The following PLCE1 variants were observed in gnomAD, a reference collection of about 807,000 sequenced individuals.
PLCE1 encodes phospholipase C epsilon 1.
A neutral mutation model predicts 242.8 loss-of-function variants in PLCE1; 119 were observed. The observed-to-expected ratio is 0.49, with a 90% CI of 0.42 to 0.57. PLCE1 has a LOEUF of 0.57. PLCE1 is among the 20% of genes least tolerant of loss of function. PLCE1 has a pLI of 0.00. For synonymous variants in PLCE1, 945 were observed against 1,017.4 expected (o/e 0.93, Z 1.35); for missense variants, 2,441 against 2,788.8 (o/e 0.88, Z 2.81).
At chr10:94,325,895 T>TA (rs1475850011) in intron 32 of PLCE1, among the ~76,000 whole-genome samples, 23 of 152,006 alleles carry the variant, frequency 1.5e-4, no homozygotes, top group Admixed American at 9.8e-4. Flanking sequence ...CTGCCTCAAT[T>TA]AAAAAAATAA....
intron 2 of PLCE1, among the ~76,000 whole-genome samples, chr10:94,049,328 CTTTGAT>C (rs1174655964): frequency 7.9e-5 from 12 of 152,066 alleles, no homozygotes; most frequent in Non-Finnish European, 1.6e-4. Context: ...CCATTTAAAT[CTTTGAT>C]TTTGTATATG....
intron 3 of PLCE1, among the ~76,000 whole-genome samples, chr10:94,137,210 C>T (rs965130384): frequency 6.6e-6 from 1 of 152,098 alleles, no homozygotes; most frequent in African/African-American, 2.4e-5. Context: ...AAGATCCTTC[C>T]ACTTCCTGTC....
chr10:94,211,851 A>T (rs1210422693), intron 4 of PLCE1, among the ~76,000 whole-genome samples: 1 of 152,180 alleles, frequency 6.6e-6, no homozygotes, highest in Non-Finnish European at 1.5e-5. Context: ...TAGAGGACCT[A>T]CTGAACTACT....
chr10:94,107,705 AT>A (rs200924481), intron 2 of PLCE1: 3,544 of 152,134 alleles, frequency 0.023, 61 homozygotes, highest in Non-Finnish European at 0.036. Flanking sequence ...GTCTTTAGAC[AT>A]TCACATTGAG....
At chr10:94,049,968 C>T (rs1273974847) in intron 2 of PLCE1, among the ~76,000 whole-genome samples, 1 of 152,186 alleles carries the variant, frequency 6.6e-6, no homozygotes, top group African/African-American at 2.4e-5. Context: ...ATTGCTATTT[C>T]CCATTTCATT....
intron 2 of PLCE1, among the ~76,000 whole-genome samples, chr10:94,110,344 G>A (rs2045916794): frequency 6.6e-6 from 1 of 152,068 alleles, no homozygotes; most frequent in Non-Finnish European, 1.5e-5. Flanking sequence ...TTACAGCTGT[G>A]AGCCACCGTG....
intron 2 of PLCE1, among the ~76,000 whole-genome samples, chr10:94,128,500 AT>A (rs2046500860): frequency 1.3e-5 from 2 of 152,338 alleles, no homozygotes; most frequent in South Asian, 4.1e-4. Flanking sequence ...TCAGAGCTTC[AT>A]TCACAGAGCA....
At chr10:94,038,254 G>C in intron 2 of PLCE1, among the ~76,000 whole-genome samples, 1 of 152,176 alleles carries the variant, frequency 6.6e-6, no homozygotes, top group Admixed American at 6.5e-5. Context: ...AGCATCAGTG[G>C]GGGGAGGTGC....
chr10:94,219,989 A>G (rs1265937818), intron 4 of PLCE1, among the ~76,000 whole-genome samples: 2 of 151,962 alleles, frequency 1.3e-5, no homozygotes, highest in African/African-American at 4.8e-5. Flanking sequence ...TCATCAGTGG[A>G]ACCATGCCAA....
chr10:94,235,770 T>A, intron 6 of PLCE1, 145 bp from the exon 7 acceptor site: 1 of 1,460,318 alleles, frequency 6.8e-7, no homozygotes, highest in Non-Finnish European at 9.0e-7. Flanking sequence ...AATGAAAAAA[T>A]GTTTTTCCTG....
intron 32 of PLCE1, chr10:94,325,400 A>T: frequency 6.4e-6 from 2 of 314,874 alleles, no homozygotes; most frequent in South Asian, 3.0e-5. Context: ...GTTCAAGACC[A>T]GCCTGACCAA....
intron 3 of PLCE1, among the ~76,000 whole-genome samples, chr10:94,136,935 G>A (rs2046796123): frequency 6.6e-6 from 1 of 152,214 alleles, no homozygotes; most frequent in African/African-American, 2.4e-5. Context: ...GCTCACGCCT[G>A]TAATCCCAGC....
In PLCE1 at chr10:94,031,235, A is replaced by G; in HGVS notation, c.189A>G (p.Glu63=). Residue 63 remains glutamate (E), a synonymous_variant, in exon 2 of 33, where the codon GAA becomes GAG. Coordinates refer to ENST00000371380, the MANE Select transcript of PLCE1 (RefSeq NM_016341.4). Reference sequence around the variant, plus strand: ...CACAACTGAACAAACTTAAAGAAGAACCTTCTGGAAGCAACTTGCCAAAGA... The same window carrying G: ...CACAACTGAACAAACTTAAAGAAGAGCCTTCTGGAAGCAACTTGCCAAAGA... ...TISQLNKLKE[E]PSGSNLPKIL... 1 of 1,613,856 alleles carries G rather than the reference A, an allele frequency of 6.2e-7. No homozygotes were observed. The highest frequency in any genetic ancestry group is 8.5e-7 in the Non-Finnish European group (1 of 1,179,858).
At chr10:94,017,289 C>T (rs1385035009) in intron 1 of PLCE1, among the ~76,000 whole-genome samples, 2 of 152,166 alleles carry the variant, frequency 1.3e-5, no homozygotes, top group Non-Finnish European at 2.9e-5. Context: ...CTTTAAAAAA[C>T]AAAAACTAAC....
chr10:94,012,557 C>T (rs546387567), intron 1 of PLCE1, among the ~76,000 whole-genome samples: 1 of 152,204 alleles, frequency 6.6e-6, no homozygotes, highest in Admixed American at 6.5e-5. Context: ...AGCTGTGCAT[C>T]AGGCAGTCTC....
intron 2 of PLCE1, among the ~76,000 whole-genome samples, chr10:94,068,136 G>A (rs974343619): frequency 1.4e-4 from 21 of 152,160 alleles, no homozygotes; most frequent in Non-Finnish European, 2.5e-4. Context: ...CTTTGCTCAT[G>A]CAGTCACCTA....
At chr10:94,072,065 G>A (rs1252869927) in intron 2 of PLCE1, among the ~76,000 whole-genome samples, 1 of 152,064 alleles carries the variant, frequency 6.6e-6, no homozygotes, top group Non-Finnish European at 1.5e-5. Context: ...TTAGGCAAAT[G>A]GCTAAAACTC....
intron 4 of PLCE1, among the ~76,000 whole-genome samples, chr10:94,213,237 G>T (rs1262111783): frequency 2.0e-5 from 3 of 152,144 alleles, no homozygotes; most frequent in African/African-American, 4.8e-5. Context: ...TTCATGTACA[G>T]CTCTGTTAGT....
At chr10:94,312,666 C>T (rs1325911634) in intron 27 of PLCE1, among the ~76,000 whole-genome samples, 3 of 152,182 alleles carry the variant, frequency 2.0e-5, no homozygotes, top group Non-Finnish European at 4.4e-5. Flanking sequence ...CAACTGGAAG[C>T]CCTTGGCAGG....
Sources: gnomAD v4.1 joint callset for allele counts (sites outside exome capture counted in the v4.1 genomes callset) on GRCh38, gnomAD v4.1.1 for gene constraint, MANE v1.5 for transcripts, NCBI Gene and HGNC (gene_info 2026-07-23, HGNC 2026-07-21) for gene names.